The following STAB2 variants were observed in gnomAD, a reference collection of about 807,000 sequenced individuals.
STAB2 encodes the protein stabilin-2.
Under a neutral mutation model 338.1 loss-of-function variants are expected in STAB2, and 288 were observed. The observed-to-expected ratio is 0.85, with a 90% confidence interval of 0.77 to 0.94. The LOEUF (loss-of-function observed/expected upper bound fraction) is 0.94, where lower values mean the gene tolerates loss of function less well. STAB2 is among the 40% of genes least tolerant of loss of function. The pLI, the probability that STAB2 is intolerant of heterozygous loss-of-function variation, is 0.00. For synonymous variants in STAB2, 1,202 were observed against 1,193.3 expected (o/e 1.01, Z -0.15); for missense variants, 3,141 against 3,210.1 (o/e 0.98, Z 0.52).
intron 20 of STAB2, 120 bp downstream of exon 20, chr12:103,668,849 T>C (rs771054830): frequency 4.9e-6 from 4 of 815,614 alleles, no homozygotes; most frequent in Non-Finnish European, 7.5e-6. Context: ...GTTGTCTTCC[T>C]GCAGAGGAAT....
intron 22 of STAB2, 151 bp downstream of exon 22, chr12:103,670,958 CTG>C: frequency 1.5e-6 from 1 of 668,280 alleles, no homozygotes; most frequent in Non-Finnish European, 2.6e-6. Flanking sequence ...GGTTCTCAAA[CTG>C]GAGCGTGTGT....
At chr12:103,620,754 C>A (rs1957287607) in intron 4 of STAB2, among the ~76,000 whole-genome samples, 1 of 152,044 alleles carries the variant, frequency 6.6e-6, no homozygotes, top group Non-Finnish European at 1.5e-5. Flanking sequence ...AGCCTGGGGG[C>A]CTTTAGGAGA....
In STAB2 at chr12:103,711,673, G is replaced by A. The variant is rs550679666; in HGVS notation, c.4334+157G>A. Among the ~76,000 whole-genome samples the A allele has an allele frequency of 3.3e-5, 5 of 152,228 alleles. No homozygotes were observed. In the East Asian group the frequency reaches 9.6e-4, roughly 29 times the overall value. Reference sequence around the variant, plus strand: ...TGAAACTAAAAATATCTCTGAAGAGGCCACTATCAAATAGCCAGATCCAGG... The same window carrying A: ...TGAAACTAAAAATATCTCTGAAGAGACCACTATCAAATAGCCAGATCCAGG... On this transcript the variant is annotated intron_variant, in intron 40 of 68. Transcript: ENST00000388887.
At chr12:103,673,781 C>CG (rs1317371443) in intron 22 of STAB2, 126 bp from the exon 23 acceptor site, 9 of 1,034,910 alleles carry the variant, frequency 8.7e-6, no homozygotes, top group Non-Finnish European at 9.7e-6. Context: ...GGCTCAGCCC[C>CG]GATTCTGCTT....
At chr12:103,762,920 CG>C (rs1009085568) in intron 67 of STAB2, among the ~76,000 whole-genome samples, 4 of 152,160 alleles carry the variant, frequency 2.6e-5, no homozygotes, top group Non-Finnish European at 5.9e-5. Context: ...AGAATATGGC[CG>C]GGGCAGCAGC....
intron 33 of STAB2, among the ~76,000 whole-genome samples, 166 bp downstream of exon 33, chr12:103,696,010 G>A (rs912928727): frequency 3.9e-5 from 6 of 152,072 alleles, no homozygotes; most frequent in African/African-American, 1.2e-4. Flanking sequence ...CATCCCCTCG[G>A]TCAGAGCTGC....
chr12:103,664,112 AGTTTT>A (rs139808056), intron 18 of STAB2, among the ~76,000 whole-genome samples: 1 of 151,438 alleles, frequency 6.6e-6, no homozygotes, highest in Non-Finnish European at 1.5e-5. Flanking sequence ...TGGCTCAGCC[AGTTTT>A]GTTTTGTTTT....
At chr12:103,650,080 T>A (rs1441100454) in intron 10 of STAB2, among the ~76,000 whole-genome samples, 1 of 152,158 alleles carries the variant, frequency 6.6e-6, no homozygotes, top group Non-Finnish European at 1.5e-5. Flanking sequence ...ACATGGCAAC[T>A]GCAGAGCATT....
chr12:103,711,859 C>T (rs1247235042), intron 40 of STAB2, among the ~76,000 whole-genome samples: 1 of 152,194 alleles, frequency 6.6e-6, no homozygotes, highest in Non-Finnish European at 1.5e-5. Context: ...AACTTGGCTT[C>T]ATAATGCTAA....
Position 103,685,055 on chromosome 12 carries a change from G to A in STAB2, c.2968G>A (p.Gly990Ser), listed in dbSNP as rs748960147. The change falls in exon 27 of 69, where the codon GGC becomes AGC. Residue 990 changes from glycine (G) to serine (S), a missense_variant. Coordinates refer to ENST00000388887, the MANE Select transcript of STAB2 (RefSeq NM_017564.10). ...CVCQEGYEGDGFLCYGNAAVE... is the reference protein window; with the variant it reads ...CVCQEGYEGDSFLCYGNAAVE... ...TTGTCAAGAGGGCTATGAAGGAGAT[G>A]GCTTTCTGTGCTATGGAAACGCAGC... 7 of 1,613,818 alleles carry A rather than the reference G, an allele frequency of 4.3e-6. No homozygotes were observed. Among genetic ancestry groups the A allele is most frequent in the South Asian group, 2.2e-5 (2 of 91,090 alleles).
chr12:103,652,266 A>G (rs1420087671), intron 11 of STAB2, among the ~76,000 whole-genome samples: 1 of 152,154 alleles, frequency 6.6e-6, no homozygotes, highest in Non-Finnish European at 1.5e-5. Flanking sequence ...TGCTTTCCCC[A>G]TGTCAGTTTC....
intron 2 of STAB2, among the ~76,000 whole-genome samples, chr12:103,593,125 C>T (rs1956824846): frequency 6.6e-6 from 1 of 152,132 alleles, no homozygotes; most frequent in African/African-American, 2.4e-5. Flanking sequence ...CTGCAGTGAA[C>T]ATGAGAGTGA....
At chr12:103,607,390 T>G (rs1565956793) in intron 3 of STAB2, among the ~76,000 whole-genome samples, 1 of 39,696 alleles carries the variant, frequency 2.5e-5, no homozygotes, top group African/African-American at 1.6e-4. Context: ...CTTTTTTCTG[T>G]TTTTTTTTAA....
At position 103,638,617 on chromosome 12, in the gene STAB2, C is replaced by T. The variant is rs144148132; in HGVS notation, c.906+405C>T. Among the ~76,000 whole-genome samples the T allele has an allele frequency of 8.5e-5, 13 of 152,254 alleles. 1 individual carries two copies. The South Asian group carries it at 2.1e-3, about 24-fold the overall frequency. ...AGAACCAAAAATACCCTGTTCCAAA[C>T]GAATGAAACAGATAAAATGTCAGGC... On this transcript the variant is annotated intron_variant, in intron 8 of 68. Transcript: ENST00000388887.
chr12:103,701,122 C>T (rs911062682), intron 34 of STAB2, among the ~76,000 whole-genome samples: 24 of 150,782 alleles, frequency 1.6e-4, no homozygotes, highest in African/African-American at 3.4e-4. Flanking sequence ...TTTGTTCTTG[C>T]GATAGTTTAC....
chr12:103,735,205 C>T (rs752167576), intron 51 of STAB2, among the ~76,000 whole-genome samples: 35 of 152,128 alleles, frequency 2.3e-4, no homozygotes, highest in African/African-American at 2.7e-4. Context: ...TGGCTTCATA[C>T]GCTAAGACTG....
chr12:103,745,871 C>T (rs1866297), intron 57 of STAB2, among the ~76,000 whole-genome samples: 54,673 of 152,068 alleles, frequency 0.36, 10,483 homozygotes, highest in East Asian at 0.73. Context: ...ATAATCATTG[C>T]CATAGCTCGA....
At chr12:103,683,384 C>A in intron 26 of STAB2, 84 bp downstream of exon 26, 1 of 1,271,742 alleles carries the variant, frequency 7.9e-7, no homozygotes, top group South Asian at 1.5e-5. Flanking sequence ...CCTGTCTGGC[C>A]TAGTGATGAA....
At chr12:103,599,794 G>T (rs1956928469) in intron 3 of STAB2, among the ~76,000 whole-genome samples, 1 of 152,158 alleles carries the variant, frequency 6.6e-6, no homozygotes, top group African/African-American at 2.4e-5. Flanking sequence ...CTTAAGATGT[G>T]CCTGGTGGAT....
Sources: allele counts gnomAD v4.1 joint callset (sites outside exome capture counted in the v4.1 genomes callset), GRCh38; gene constraint gnomAD v4.1.1; transcripts MANE v1.5; gene names NCBI Gene and HGNC (gene_info 2026-07-23, HGNC 2026-07-21).